Variants in COL11A2 observed in about 807,000 individuals in gnomAD.
COL11A2 encodes the protein collagen alpha-2(XI) chain.
A neutral mutation model predicts 273.4 loss-of-function variants in COL11A2; 116 were observed. The observed-to-expected ratio is 0.42, with a 90% CI of 0.36 to 0.49. COL11A2 has a LOEUF of 0.49. Ranked by LOEUF, COL11A2 falls within the 20% of genes least tolerant of loss-of-function variation. The probability of loss-of-function intolerance (pLI) is 0.00; values close to 1 mark genes in which losing one functional copy is unlikely to be tolerated. For synonymous variants in COL11A2, 782 were observed against 864.2 expected, an observed-to-expected ratio of 0.90 and a Z score of 1.67; for missense variants, 1,866 against 2,309.0, an observed-to-expected ratio of 0.81 and a Z score of 3.93.
At chr6:33,181,648 G>T (rs371665768) in intron 8 of COL11A2, among the ~76,000 whole-genome samples, 6 of 151,982 alleles carry the variant, frequency 3.9e-5, no homozygotes, top group African/African-American at 1.2e-4. Flanking sequence ...ACCATGCCCG[G>T]CTAATTTTTG....
rs551748595 is a variant in COL11A2 at position 33,177,738 on chromosome 6, A to G, written c.1873-32T>C. The G allele has an allele frequency of 1.9e-6, 3 of 1,612,722 alleles. No individual in the cohort carries two copies. The highest frequency in any genetic ancestry group is 1.7e-6 in the Non-Finnish European group (2 of 1,179,876). On this transcript the variant is annotated intron_variant, in intron 21 of 65. Coordinates refer to ENST00000341947, the MANE Select transcript of COL11A2 (RefSeq NM_080680.3). The surrounding 1 kb of genome is among the most constrained non-coding windows in gnomAD (Gnocchi z 5.9). ...CACAAGATGGGTGTGAGCAGCCTGA[A>G]GGTGGCCCGGAGGGACCTGTGGTTT...
rs541871535 is a variant in COL11A2, at chr6:33,181,359, A to G, written c.1120-189T>C. Among the ~76,000 whole-genome samples the G allele has an allele frequency of 9.0e-4, 123 of 137,148 alleles. 2 individuals are homozygous for G. The highest frequency in any genetic ancestry group is 3.5e-3 in the Admixed American group (50 of 14,144). 90.0% of individuals were successfully genotyped at this position (137,148 alleles called of 152,430 possible). ...CTTTCAAGCCTGCCAAGGAGACCTC[A>G]GGGTTCCCTGCCCCCCCAGTTCCCA... On this transcript the variant is annotated intron_variant, in intron 8 of 65. Transcript: ENST00000341947.
In COL11A2 at chr6:33,188,429, C is replaced by G; in HGVS notation, c.539G>C (p.Arg180Pro). The G allele has an allele frequency of 9.3e-6, 15 of 1,613,014 alleles. No individual in the cohort carries two copies. The highest frequency in any genetic ancestry group is 1.3e-5 in the Non-Finnish European group (15 of 1,180,034). The part of the protein sequence containing the change: ...RVTRPLPRSA[R>P]PVLDTHGVII... ...CACTCCATGGGTGTCCAATACTGGA[C>G]GAGCACTTCGGGGGAGAGGCCGGGT... Residue 180 changes from arginine (R) to proline (P), a missense_variant, in exon 4 of 66, where the codon CGT becomes CCT. Coordinates refer to ENST00000341947, the MANE Select transcript of COL11A2 (RefSeq NM_080680.3).
intron 1 of COL11A2, among the ~76,000 whole-genome samples, chr6:33,191,572 T>C (rs895030234): frequency 1.3e-5 from 2 of 152,236 alleles, no homozygotes; most frequent in Non-Finnish European, 2.9e-5. Context: ...GATCCTGGCC[T>C]GTCCGGAGGG....
At chr6:33,172,786 C>T (rs1770299447) in intron 38 of COL11A2, 149 bp from the exon 39 acceptor site, 3 of 810,210 alleles carry the variant, frequency 3.7e-6, no homozygotes, top group South Asian at 1.5e-5. Context: ...ATTCCTGGGC[C>T]ACTGCTGGGT....
At position 33,168,474 on chromosome 6, in the gene COL11A2, G is replaced by A. The variant is rs747910616; in HGVS notation, c.3960+45C>T. ...CCATTGCCCAGCCTCCACCCACACAGCCCAGGGACTGCCTCCCAAGGTCTC... is the reference window on the plus strand; with the variant it reads ...CCATTGCCCAGCCTCCACCCACACAACCCAGGGACTGCCTCCCAAGGTCTC... On this transcript the variant is annotated intron_variant, in intron 54 of 65. Transcript: ENST00000341947. 1.4e-5 allele frequency: 23 copies of A among 1,607,108 alleles called. No individual in the cohort carries two copies. In the East Asian group the frequency reaches 4.9e-4, roughly 34 times the overall value.
chr6:33,167,971 A>G lies in COL11A2; in HGVS notation c.3961-119T>C. 9.2e-7 allele frequency: 1 copy of G among 1,084,662 alleles called. No individual in the cohort carries two copies. Among genetic ancestry groups the G allele is most frequent in the Non-Finnish European group, 1.4e-6 (1 of 722,060 alleles). 67.2% of individuals were successfully genotyped at this position (1,084,662 alleles called of 1,614,324 possible). ...CACACACACACGTGCATACACAGGGACACGCGCCGAGGGCCGATTCACAGA... is the reference window on the plus strand; with the variant it reads ...CACACACACACGTGCATACACAGGGGCACGCGCCGAGGGCCGATTCACAGA... On this transcript the variant is annotated intron_variant, in intron 54 of 65. Coordinates refer to ENST00000341947, the MANE Select transcript of COL11A2 (RefSeq NM_080680.3). The surrounding 1 kb of genome is among the most constrained non-coding windows in gnomAD (Gnocchi z 6.1).
chr6:33,174,467 T>G, intron 31 of COL11A2, 60 bp downstream of exon 31: 1 of 1,591,068 alleles, frequency 6.3e-7, no homozygotes, highest in Non-Finnish European at 8.6e-7. Flanking sequence ...GAATCAGGGA[T>G]CAGGGAAGCG....
intron 8 of COL11A2, 67 bp from the exon 9 acceptor site, chr6:33,181,237 A>C: frequency 4.6e-6 from 7 of 1,505,658 alleles, no homozygotes; most frequent in South Asian, 1.1e-5. Context: ...GCCTTTCTCC[A>C]TCTCAACTCC....
chr6:33,163,673 C>A lies in COL11A2; in HGVS notation c.*5G>T. 1 of 1,613,024 alleles carries A rather than the reference C, an allele frequency of 6.2e-7. No homozygotes were observed. The highest frequency in any genetic ancestry group is 1.1e-5 in the South Asian group (1 of 91,082). The stretch of plus-strand genomic sequence containing the variant: ...CCGAATGGACAGGATCAGACAGAGA[C>A]GGTCCTATCCCATGAAGCAGACAGG... On this transcript the variant is annotated 3_prime_UTR_variant, in exon 66 of 66. Coordinates refer to ENST00000341947, the MANE Select transcript of COL11A2 (RefSeq NM_080680.3). The surrounding 1 kb of genome is among the most constrained non-coding windows in gnomAD (Gnocchi z 4.1).
At chr6:33,174,346 T>C in intron 31 of COL11A2, 128 bp from the exon 32 acceptor site, 2 of 1,421,020 alleles carry the variant, frequency 1.4e-6, no homozygotes, top group South Asian at 1.2e-5. Context: ...AAGAACTAAG[T>C]GGCCTTGGAC....
Position 33,170,694 on chromosome 6 carries a change from C to T in COL11A2, c.3475-84G>A, listed in dbSNP as rs757260635. 16 of 1,577,240 alleles carry T rather than the reference C, an allele frequency of 1.0e-5. No individual in the cohort carries two copies. The African/African-American group carries it at 1.6e-4, about 16-fold the overall frequency. On this transcript the variant is annotated intron_variant, in intron 46 of 65. Transcript: ENST00000341947. This position sits in a 1 kb window ranked among gnomAD's most constrained non-coding sequence, Gnocchi z 4.3. ...GGCAGATAGGCCCCACAGTCCCCTC[C>T]CCTCAGACTCCGCAGGCCCTCCAGT...
intron 30 of COL11A2, 123 bp downstream of exon 30, chr6:33,175,451 G>T (rs1296813981): frequency 2.5e-6 from 2 of 785,822 alleles, no homozygotes; most frequent in Admixed American, 3.7e-5. Flanking sequence ...ACAGACAGAA[G>T]TATGACTAAT....
intron 4 of COL11A2, among the ~76,000 whole-genome samples, chr6:33,187,713 C>T (rs1222742849): frequency 6.6e-6 from 1 of 151,680 alleles, no homozygotes; most frequent in African/African-American, 2.4e-5. Context: ...AATGACTGGT[C>T]GGATGGGAAG....
At position 33,172,121 on chromosome 6, in the gene COL11A2, G is replaced by A; in HGVS notation, c.2989-18C>T. ...GGTCCACCCTATGAACCAGACATTT[G>A]GGGAAGATGAGACTTCACGAAAAGA... On this transcript the variant is annotated intron_variant, in intron 40 of 65. Coordinates refer to ENST00000341947, the MANE Select transcript of COL11A2 (RefSeq NM_080680.3). The A allele has an allele frequency of 6.2e-7, 1 of 1,612,814 alleles. No homozygotes were observed. The highest frequency in any genetic ancestry group is 8.5e-7 in the Non-Finnish European group (1 of 1,179,956).
Position 33,166,087 on chromosome 6 carries a change from TGGG to T in COL11A2, c.4428+81_4428+83del. ...CTCCTGGCTGGAATAAGGGGCTCCT[TGGG>T]GGGAGTCTATTTGTCCTGGAGAGAC... On this transcript the variant is annotated intron_variant, in intron 61 of 65. Transcript: ENST00000341947. This position sits in a 1 kb window ranked among gnomAD's most constrained non-coding sequence, Gnocchi z 4.8. 1 of 1,601,394 alleles carries T rather than the reference TGGG, an allele frequency of 6.2e-7. No homozygotes were observed. The highest frequency in any genetic ancestry group is 8.5e-7 in the Non-Finnish European group (1 of 1,172,590).
intron 44 of COL11A2, 21 bp from the exon 45 acceptor site, chr6:33,171,188 A>G (rs1457311518): frequency 6.2e-7 from 1 of 1,611,288 alleles, no homozygotes; most frequent in Non-Finnish European, 8.5e-7. Flanking sequence ...GAAGAGAGTC[A>G]GAGACACCAA....
At position 33,163,367 on chromosome 6, in the gene COL11A2, G is replaced by A. The variant is rs979754112; in HGVS notation, c.*311C>T. ...ACAATTACTTTTAAATACAAAATAC[G>A]CCATGTCCTTTCTCTTCTCTTCCAT... On this transcript the variant is annotated 3_prime_UTR_variant, in exon 66 of 66. Coordinates refer to ENST00000341947, the MANE Select transcript of COL11A2 (RefSeq NM_080680.3). This position sits in a 1 kb window ranked among gnomAD's most constrained non-coding sequence, Gnocchi z 4.1. 4.4e-5 allele frequency: 21 copies of A among 479,992 alleles called. No homozygotes were observed. The highest frequency in any genetic ancestry group is 3.3e-4 in the African/African-American group (17 of 52,230). 29.7% of individuals were successfully genotyped at this position (479,992 alleles called of 1,614,324 possible).
rs1179414133 is a variant in COL11A2, at chr6:33,177,101, C to T, written c.2017-56G>A. The stretch of plus-strand genomic sequence containing the variant: ...TAGAGGGGTCATGTCTGGACACAGA[C>T]AAAATCCCAGCAGACATTTAGGGTT... On this transcript the variant is annotated intron_variant, in intron 24 of 65. Coordinates refer to ENST00000341947, the MANE Select transcript of COL11A2 (RefSeq NM_080680.3). The surrounding 1 kb of genome is among the most constrained non-coding windows in gnomAD (Gnocchi z 5.9). 9.3e-6 allele frequency: 15 copies of T among 1,612,566 alleles called. No homozygotes were observed. Among genetic ancestry groups the T allele is most frequent in the Non-Finnish European group, 2.5e-6 (3 of 1,179,820 alleles).
Sources: gnomAD v4.1 joint callset for allele counts (sites outside exome capture counted in the v4.1 genomes callset) on GRCh38, gnomAD v4.1.1 for gene constraint, Gnocchi (gnomAD v3.1) non-coding constraint, MANE v1.5 for transcripts, NCBI Gene and HGNC (gene_info 2026-07-23, HGNC 2026-07-21) for gene names.